SI: variants seen among roughly 807,000 people sequenced by gnomAD.
SI encodes the protein sucrase-isomaltase, intestinal.
A neutral mutation model predicts 253.3 loss-of-function variants in SI; 235 were observed. The observed-to-expected ratio is 0.93, with a 90% CI of 0.83 to 1.03. SI has a LOEUF of 1.03. Ranked by LOEUF, SI falls within the 50% of genes least tolerant of loss-of-function variation. SI has a pLI of 0.00. For synonymous variants in SI, 819 were observed against 712.0 expected (o/e 1.15, Z -2.39); for missense variants, 2,442 against 2,211.1 (o/e 1.10, Z -2.09).
intron 38 of SI, among the ~76,000 whole-genome samples, chr3:164,997,455 A>G (rs76178938): frequency 1.5e-5 from 2 of 136,678 alleles, no homozygotes; most frequent in Non-Finnish European, 3.1e-5. Context: ...TTTTTTTTTT[A>G]GCATCTATCA....
Position 165,059,157 on chromosome 3 carries a change from T to A in SI, c.1278+11A>T, listed in dbSNP as rs756042084. On this transcript the variant is annotated intron_variant, in intron 11 of 47. Transcript: ENST00000264382. Reference sequence around the variant, plus strand: ...ACACTAAAAATGTATTAAGGTATAATTGATTATTACCAAGATGATGACATA... The same window carrying A: ...ACACTAAAAATGTATTAAGGTATAAATGATTATTACCAAGATGATGACATA... The A allele has an allele frequency of 1.2e-6, 2 of 1,612,082 alleles. No homozygotes were observed. The highest frequency in any genetic ancestry group is 1.7e-6 in the Non-Finnish European group (2 of 1,178,974).
chr3:165,033,135 A>G (rs1358913663), intron 23 of SI, among the ~76,000 whole-genome samples: 2 of 151,600 alleles, frequency 1.3e-5, no homozygotes, highest in African/African-American at 2.4e-5. Flanking sequence ...GTTGCCTAAA[A>G]CCAATCATAA....
At chr3:165,013,073 C>G (rs1237197400) in intron 33 of SI, 31 bp from the exon 34 acceptor site, 1 of 1,379,066 alleles carries the variant, frequency 7.3e-7, no homozygotes, top group East Asian at 2.3e-5. Flanking sequence ...AAAAGCTGAT[C>G]AAAACATAGT....
chr3:165,026,602 T>G (rs186456638), intron 25 of SI, among the ~76,000 whole-genome samples: 1 of 151,016 alleles, frequency 6.6e-6, no homozygotes, highest in African/African-American at 2.4e-5. Context: ...TTTAAGAAAT[T>G]TGAAATTATA....
At chr3:165,029,074 G>A (rs1712082142) in intron 25 of SI, among the ~76,000 whole-genome samples, 1 of 150,518 alleles carries the variant, frequency 6.6e-6, no homozygotes, top group South Asian at 2.1e-4. Flanking sequence ...AAATAATTTA[G>A]CAGGAAAAAA....
chr3:165,075,798 A>G (rs951125266), intron 2 of SI, 97 bp downstream of exon 2: 7 of 787,334 alleles, frequency 8.9e-6, no homozygotes, highest in Non-Finnish European at 6.7e-6. Context: ...TAAGTGTTTC[A>G]TCTTACACAG....
chr3:165,074,191 T>G (rs1283907245), intron 3 of SI, among the ~76,000 whole-genome samples: 1 of 152,072 alleles, frequency 6.6e-6, no homozygotes, highest in African/African-American at 2.4e-5. Context: ...TACTGGAACA[T>G]ATATACTCCC....
chr3:165,024,342 A>G (rs1330229985), intron 25 of SI, among the ~76,000 whole-genome samples: 1 of 151,386 alleles, frequency 6.6e-6, no homozygotes, highest in Non-Finnish European at 1.5e-5. Flanking sequence ...CCTAAGAAAA[A>G]GAATTATAAA....
intron 44 of SI, among the ~76,000 whole-genome samples, chr3:164,989,239 G>A (rs1409619184): frequency 1.3e-5 from 2 of 151,316 alleles, no homozygotes; most frequent in Non-Finnish European, 2.9e-5. Flanking sequence ...CAGATACTTG[G>A]GAGGCTGTGG....
intron 12 of SI, among the ~76,000 whole-genome samples, chr3:165,056,546 C>T (rs1428159073): frequency 1.3e-5 from 2 of 152,154 alleles, no homozygotes; most frequent in African/African-American, 4.8e-5. Context: ...TACACCACCC[C>T]TCTCACATTC....
intron 43 of SI, among the ~76,000 whole-genome samples, 170 bp from the exon 44 acceptor site, chr3:164,991,647 A>G (rs1218828878): frequency 1.3e-5 from 2 of 152,218 alleles, no homozygotes; most frequent in East Asian, 1.9e-4. Context: ...CCATTTTACT[A>G]TATATATATC....
Position 164,988,581 on chromosome 3 carries a change from G to A in SI, c.5109-1355C>T, listed in dbSNP as rs555543963. The stretch of plus-strand genomic sequence containing the variant: ...CTCCTCTTTAACTGATGTCAGGATA[G>A]AATATTAGTAGAAATGGACCTGGGT... On this transcript the variant is annotated intron_variant, in intron 44 of 47. Coordinates refer to ENST00000264382, the MANE Select transcript of SI (RefSeq NM_001041.4). 3.5e-3 allele frequency among the ~76,000 whole-genome samples: 535 copies of A among 152,258 alleles called. 4 individuals are homozygous for A. Among genetic ancestry groups the A allele is most frequent in the Middle Eastern group, 0.02 (6 of 294 alleles).
chr3:165,024,752 G>T (rs985446791), intron 25 of SI, among the ~76,000 whole-genome samples: 1 of 151,100 alleles, frequency 6.6e-6, no homozygotes, highest in Non-Finnish European at 1.5e-5. Flanking sequence ...TAGAGTAAAT[G>T]TCACTTCAGT....
rs768100667 is a variant in SI, at chr3:165,021,272, G to C, written c.3211C>G (p.Pro1071Ala). Residue 1071 changes from proline (P) to alanine (A), a missense_variant, in exon 27 of 48, where the codon CCT becomes GCT. Pro to Ala is a conservative substitution (Grantham distance 27). Coordinates refer to ENST00000264382, the MANE Select transcript of SI (RefSeq NM_001041.4). ...RLYDVEIKEN[P>A]FGIQIRRRSS... ...CTCCGTCGAATCTGGATGCCAAAAGGATTTTCCTTGATTTCCACATCATAA... is the reference window on the plus strand; with the variant it reads ...CTCCGTCGAATCTGGATGCCAAAAGCATTTTCCTTGATTTCCACATCATAA... The C allele has an allele frequency of 6.2e-6, 10 of 1,611,192 alleles. No individual in the cohort carries two copies. Among genetic ancestry groups the C allele is most frequent in the Admixed American group, 5.0e-5 (3 of 59,734 alleles).
intron 20 of SI, among the ~76,000 whole-genome samples, chr3:165,038,462 C>A (rs1421332384): frequency 1.3e-5 from 2 of 151,184 alleles, no homozygotes; most frequent in East Asian, 3.9e-4. Flanking sequence ...GTAATTCCAG[C>A]ACTTTGGGAG....
Position 165,049,161 on chromosome 3 carries a change from G to A in SI, c.1681C>T (p.Leu561Phe), listed in dbSNP as rs1274806472. 1 of 1,607,644 alleles carries A rather than the reference G, an allele frequency of 6.2e-7. No individual in the cohort carries two copies. Among genetic ancestry groups the A allele is most frequent in the African/African-American group, 1.3e-5 (1 of 74,888 alleles). The change falls in exon 15 of 48, where the codon CTC (leucine) becomes TTC (phenylalanine). Residue 561 changes from leucine to phenylalanine, a missense_variant. Physicochemically the swap from Leu to Phe is conservative, Grantham distance 22 (BLOSUM62 0). Transcript: ENST00000264382. ...GCTATAGCCATGCTGTATCCATAGA[G>A]GCTATGAACATCATACTGTTTACCC... The part of the protein sequence containing the change: ...NWGKQYDVHS[L>F]YGYSMAIATE...
intron 44 of SI, among the ~76,000 whole-genome samples, chr3:164,989,088 T>TAATC: frequency 6.7e-6 from 1 of 148,488 alleles, no homozygotes; most frequent in African/African-American, 2.5e-5. Context: ...AGTATAATAA[T>TAATC]AATAAATAAA....
intron 37 of SI, among the ~76,000 whole-genome samples, chr3:165,002,054 G>T (rs1014662539): frequency 6.6e-6 from 1 of 151,368 alleles, no homozygotes; most frequent in Non-Finnish European, 1.5e-5. Flanking sequence ...GCATTCAGAG[G>T]GAGTCAAAGA....
intron 26 of SI, among the ~76,000 whole-genome samples, chr3:165,022,401 C>T (rs1711669598): frequency 1.3e-5 from 2 of 149,560 alleles, no homozygotes; most frequent in African/African-American, 4.9e-5. Context: ...ACATGGAACT[C>T]ATTCTAAATT....
Sources: gnomAD v4.1 joint callset for allele counts (sites outside exome capture counted in the v4.1 genomes callset) on GRCh38, gnomAD v4.1.1 for gene constraint, MANE v1.5 for transcripts, NCBI Gene and HGNC (gene_info 2026-07-23, HGNC 2026-07-21) for gene names.